Variants in SERF2 observed in about 807,000 individuals in gnomAD.
The protein encoded by SERF2 is gastric cancer-related protein VRG107.
In SERF2, 4 loss-of-function variants were observed where a neutral mutation model predicts 10.7. That is an observed-to-expected ratio of 0.37 (90% confidence interval 0.18 to 0.86). SERF2 has a LOEUF of 0.86. Among genes scored for constraint, SERF2 ranks in the 40% least tolerant of loss-of-function variants. SERF2 has a pLI of 0.43. For synonymous variants in SERF2, 26 were observed against 26.0 expected, an observed-to-expected ratio of 1.00 and a Z score of 0.01; for missense variants, 47 against 79.1, an observed-to-expected ratio of 0.59 and a Z score of 1.54.
upstream of SERF2, chr15:43,791,884 G>T (rs1293729434): frequency 6.0e-6 from 1 of 166,956 alleles, no homozygotes; most frequent in Non-Finnish European, 1.3e-5. Flanking sequence ...TGGCTGAGAG[G>T]TGGTCCTAAG....
intron 1 of SERF2, among the ~76,000 whole-genome samples, chr15:43,781,282 C>T (rs954602591): frequency 2.6e-5 from 4 of 152,122 alleles, no homozygotes; most frequent in African/African-American, 9.7e-5. Context: ...TGGCCAGCCA[C>T]GGTGGCTCAC....
chr15:43,789,147 TAAAA>T (rs59711546), upstream of SERF2, among the ~76,000 whole-genome samples: 2 of 127,548 alleles, frequency 1.6e-5, no homozygotes, highest in African/African-American at 2.8e-5. Flanking sequence ...AGACTCTGTC[TAAAA>T]AAAAAAAAAA....
rs931195241 is a variant in SERF2 at position 43,794,575 on chromosome 15, T to G, written c.*802T>G. On this transcript the variant is annotated 3_prime_UTR_variant, in exon 3 of 3. Transcript: ENST00000249786. ...CTCCTTTCTTCTATGCCCTGGTTTG[T>G]TCTGTGGTTCTGGGCTTCTTATATC... 1 of 169,872 alleles carries G rather than the reference T, an allele frequency of 5.9e-6. No homozygotes were observed. The highest frequency in any genetic ancestry group is 1.6e-4 in the East Asian group (1 of 6,078). The allele number at this position is 169,872 out of a possible 1,614,324, so 10.5% of individuals were successfully genotyped here.
At chr15:43,787,878 T>G (rs538088701), upstream of SERF2, among the ~76,000 whole-genome samples, 85 of 149,348 alleles carry the variant, frequency 5.7e-4, 1 homozygote, top group South Asian at 0.01. Flanking sequence ...TTTTAGTTTT[T>G]TTTTTTTTTT....
chr15:43,792,529 C>T (rs908990201), intron 1 of SERF2, 146 bp downstream of exon 1: 2 of 1,524,540 alleles, frequency 1.3e-6, no homozygotes, highest in African/African-American at 1.4e-5. Context: ...ACTCGGTGCC[C>T]GGAAATCGAG....
Position 43,795,568 on chromosome 15 carries a change from G to C in SERF2, c.*1795G>C, listed in dbSNP as rs369620901. 6.2e-6 allele frequency: 10 copies of C among 1,613,784 alleles called. No individual in the cohort carries two copies. Among genetic ancestry groups the C allele is most frequent in the Non-Finnish European group, 8.5e-6 (10 of 1,179,864 alleles). On this transcript the variant is annotated 3_prime_UTR_variant, in exon 3 of 3. Coordinates refer to ENST00000249786, the MANE Select transcript of SERF2 (RefSeq NM_001018108.4). ...TGGAGAGAGGAAATGGCTGCTGGGA[G>C]CAGAGCTGCTGAAACACCTCTTCCC...
intron 1 of SERF2, among the ~76,000 whole-genome samples, chr15:43,784,538 G>C (rs1276714848): frequency 6.6e-6 from 1 of 151,964 alleles, no homozygotes; most frequent in Admixed American, 6.6e-5. Flanking sequence ...GCGCGATCTC[G>C]GCTCACTGCA....
At chr15:43,791,139 T>A (rs2141676192), upstream of SERF2, among the ~76,000 whole-genome samples, 1 of 151,812 alleles carries the variant, frequency 6.6e-6, no homozygotes, top group South Asian at 2.1e-4. Context: ...AGTGGTGCGA[T>A]CTCGGCTCAC....
intron 1 of SERF2, 121 bp downstream of exon 1, chr15:43,792,504 TG>T: frequency 6.3e-7 from 1 of 1,578,124 alleles, no homozygotes; most frequent in Non-Finnish European, 8.6e-7. Context: ...GGGCGCGCTC[TG>T]TGGCCACCCT....
upstream of SERF2, among the ~76,000 whole-genome samples, chr15:43,790,409 T>C (rs1255856028): frequency 6.6e-6 from 1 of 151,840 alleles, no homozygotes; most frequent in Non-Finnish European, 1.5e-5. Context: ...AGAGAAAGTG[T>C]GAGAGAGCTT....
rs2087185006 is a variant in SERF2 at position 43,795,355 on chromosome 15, TC to T, written c.*1583del. On this transcript the variant is annotated 3_prime_UTR_variant, in exon 3 of 3. Coordinates refer to ENST00000249786, the MANE Select transcript of SERF2 (RefSeq NM_001018108.4). ...CTCTTTCCTTAAAATAGCTAGCTCT[TC>T]AGGAGAGTATCTAAGGCCCACTCCA... is the stretch of plus-strand genomic sequence containing the variant. 1 of 1,612,500 alleles carries T rather than the reference TC, an allele frequency of 6.2e-7. No individual in the cohort carries two copies. Among genetic ancestry groups the T allele is most frequent in the African/African-American group, 1.3e-5 (1 of 74,894 alleles).
chr15:43,794,096 T>C lies in SERF2; in HGVS notation c.*323T>C. On this transcript the variant is annotated 3_prime_UTR_variant, in exon 3 of 3. Transcript: ENST00000249786. ...ACTTGGGGGGATGGGGTTGGAAGAA[T>C]GACTGCCCTTTCCCACCAAAAAAGG... The C allele has an allele frequency of 1.1e-6, 1 of 926,200 alleles. No individual in the cohort carries two copies. The highest frequency in any genetic ancestry group is 1.6e-6 in the Non-Finnish European group (1 of 639,106). 57.4% of individuals were successfully genotyped at this position (926,200 alleles called of 1,614,324 possible). A position where few individuals can be genotyped will look rare whatever the true frequency, so the allele number is the denominator to read the frequency against.
rs569110366 is a variant in SERF2, at chr15:43,794,840, A to G, written c.*1067A>G. The G allele has an allele frequency of 1.6e-5, 10 of 626,338 alleles. No individual in the cohort carries two copies. The East Asian group carries it at 2.7e-4, about 17-fold the overall frequency. 38.8% of individuals were successfully genotyped at this position (626,338 alleles called of 1,614,324 possible). A position where few individuals can be genotyped will look rare whatever the true frequency, so the allele number is the denominator to read the frequency against. Reference sequence around the variant, plus strand: ...AGTCAGACACTCTGCCCAGCACATTAGACTGTGTTTGACCACTTCTTCCAG... The same window carrying G: ...AGTCAGACACTCTGCCCAGCACATTGGACTGTGTTTGACCACTTCTTCCAG... On this transcript the variant is annotated 3_prime_UTR_variant, in exon 3 of 3. Transcript: ENST00000249786.
Position 43,794,299 on chromosome 15 carries a change from C to T in SERF2, c.*526C>T, listed in dbSNP as rs1305078985. 2 of 266,932 alleles carry T rather than the reference C, an allele frequency of 7.5e-6. No homozygotes were observed. The highest frequency in any genetic ancestry group is 2.2e-5 in the African/African-American group (1 of 45,282). The allele number at this position is 266,932 out of a possible 1,614,324, so 16.5% of individuals were successfully genotyped here. ...TTTGTTCCCCACCCTTGAACACCAT[C>T]TCTAGGATGGAGTTGGCCTAAGAGT... On this transcript the variant is annotated 3_prime_UTR_variant, in exon 3 of 3. Transcript: ENST00000249786.
chr15:43,794,776 C>A lies in SERF2; in HGVS notation c.*1003C>A. 2.0e-6 allele frequency: 1 copy of A among 510,136 alleles called. No individual in the cohort carries two copies. Among genetic ancestry groups the A allele is most frequent in the Non-Finnish European group, 3.5e-6 (1 of 285,206 alleles). The allele number at this position is 510,136 out of a possible 1,614,324, so 31.6% of individuals were successfully genotyped here. A position where few individuals can be genotyped will look rare whatever the true frequency, so the allele number is the denominator to read the frequency against. On this transcript the variant is annotated 3_prime_UTR_variant, in exon 3 of 3. Transcript: ENST00000249786. ...TTGAGCTGCTGATTTGGGTGTTAGGCTCTTGAGCTGGGATGCAGATGTAAC... is the reference window on the plus strand; with the variant it reads ...TTGAGCTGCTGATTTGGGTGTTAGGATCTTGAGCTGGGATGCAGATGTAAC...
At chr15:43,786,565 A>G (rs1305179345) in intron 2 of SERF2, among the ~76,000 whole-genome samples, 1 of 152,196 alleles carries the variant, frequency 6.6e-6, no homozygotes, top group Non-Finnish European at 1.5e-5. Context: ...GCCTTGGTAT[A>G]TGCTGTTTCT....
rs145705656 is a variant in SERF2 at position 43,795,044 on chromosome 15, G to T, written c.*1271G>T. On this transcript the variant is annotated 3_prime_UTR_variant, in exon 3 of 3. Transcript: ENST00000249786. ...TTATCTGGGGATATGATGCGGTGGC[G>T]GCGGCGCCTCAAGATAAGGGGCTGG... 2 of 1,612,700 alleles carry T rather than the reference G, an allele frequency of 1.2e-6. No individual in the cohort carries two copies. The highest frequency in any genetic ancestry group is 2.7e-5 in the African/African-American group (2 of 74,914).
intron 1 of SERF2, among the ~76,000 whole-genome samples, chr15:43,778,672 G>A (rs1241821155): frequency 2.0e-5 from 3 of 149,858 alleles, no homozygotes; most frequent in East Asian, 4.0e-4. Context: ...GGCTGAGGCA[G>A]GTGGATTACC....
chr15:43,795,332 C>T lies in SERF2; in HGVS notation c.*1559C>T. ...GTGTCTGGAATGGCCTTGAATTGCT[C>T]TTTCCTTAAAATAGCTAGCTCTTCA... is the stretch of plus-strand genomic sequence containing the variant. On this transcript the variant is annotated 3_prime_UTR_variant, in exon 3 of 3. Transcript: ENST00000249786. 3.1e-6 allele frequency: 5 copies of T among 1,607,864 alleles called. No homozygotes were observed. Among genetic ancestry groups the T allele is most frequent in the Non-Finnish European group, 4.3e-6 (5 of 1,174,818 alleles).
Sources: gnomAD v4.1 joint callset for allele counts (sites outside exome capture counted in the v4.1 genomes callset) on GRCh38, gnomAD v4.1.1 for gene constraint, MANE v1.5 for transcripts, NCBI Gene and HGNC (gene_info 2026-07-23, HGNC 2026-07-21) for gene names.